CCDC73: variants seen among roughly 807,000 people sequenced by gnomAD.
The protein encoded by CCDC73 is coiled-coil domain-containing protein 73.
In CCDC73, 95 loss-of-function variants were observed where a neutral mutation model predicts 116.5. The observed-to-expected ratio is 0.82, with a 90% CI of 0.69 to 0.97. The LOEUF is 0.97. Among genes scored for constraint, CCDC73 ranks in the 50% least tolerant of loss-of-function variants. CCDC73 has a pLI of 0.00. For missense variants in CCDC73, 1,066 were observed against 1,206.8 expected (o/e 0.88, Z 1.73); for synonymous variants, 398 against 401.3 (o/e 0.99, Z 0.10).
At chr11:32,772,305 GTTTATA>G (rs766084143) in intron 1 of CCDC73, among the ~76,000 whole-genome samples, 12 of 152,042 alleles carry the variant, frequency 7.9e-5, no homozygotes, top group Non-Finnish European at 1.5e-4. Flanking sequence ...CCAGCTGTCT[GTTTATA>G]TTTATAAGTA....
intron 1 of CCDC73, among the ~76,000 whole-genome samples, chr11:32,791,380 A>C (rs1047311795): frequency 3.9e-5 from 6 of 152,252 alleles, no homozygotes; most frequent in African/African-American, 1.4e-4. Context: ...CAGGTTCCAC[A>C]GTCAAATAAA....
chr11:32,654,099 C>A, intron 10 of CCDC73, 62 bp from the exon 11 acceptor site: 1 of 1,424,944 alleles, frequency 7.0e-7, no homozygotes, highest in South Asian at 1.3e-5. Context: ...ACATTCAATT[C>A]AGTACTAAAC....
chr11:32,605,433 A>G (rs1488758937), intron 17 of CCDC73: 1 of 152,166 alleles, frequency 6.6e-6, no homozygotes, highest in African/African-American at 2.4e-5. Context: ...CAGTTTACTC[A>G]TTAGCTTCTT....
chr11:32,616,207 G>A, intron 14 of CCDC73, 78 bp from the exon 15 acceptor site: 1 of 1,375,288 alleles, frequency 7.3e-7, no homozygotes, highest in Non-Finnish European at 9.7e-7. Context: ...GATAAATGTG[G>A]AATCTGTGTT....
chr11:32,755,536 A>ATATATATATATATATATAT (rs1850325554), intron 2 of CCDC73, among the ~76,000 whole-genome samples: 1 of 59,928 alleles, frequency 1.7e-5, no homozygotes, highest in African/African-American at 6.3e-5. Flanking sequence ...TCCATCTCAA[A>ATATATATATATATATATAT]ATATATATAT....
At position 32,616,702 on chromosome 11, in the gene CCDC73, C is replaced by A. The variant is rs2985410; in HGVS notation, c.1186-573G>T. On this transcript the variant is annotated intron_variant, in intron 14 of 17. Transcript: ENST00000335185. ...GAATCAGTCCAACATGCTTTTTCTT[C>A]CCCTATATATTGAGCACATGTTACA... is the stretch of plus-strand genomic sequence containing the variant. 7.9e-3 allele frequency among the ~76,000 whole-genome samples: 1,202 copies of A among 152,232 alleles called. 11 individuals are homozygous for A. Among genetic ancestry groups the A allele is most frequent in the Non-Finnish European group, 0.012 (837 of 68,006 alleles).
At chr11:32,810,773 T>A in the CCDC73 span, among the ~76,000 whole-genome samples, 1 of 152,184 alleles carries the variant, frequency 6.6e-6, no homozygotes, top group Non-Finnish European at 1.5e-5. Context: ...TTCTCCATTT[T>A]ATACTTCTAC....
chr11:32,689,557 G>C (rs1245871760), intron 6 of CCDC73, among the ~76,000 whole-genome samples: 1 of 151,262 alleles, frequency 6.6e-6, no homozygotes, highest in African/African-American at 2.4e-5. Flanking sequence ...AGATAAATAA[G>C]AAATATGAAA....
At chr11:32,656,116 C>T (rs1855869562) in intron 9 of CCDC73, among the ~76,000 whole-genome samples, 1 of 150,170 alleles carries the variant, frequency 6.7e-6, no homozygotes, top group South Asian at 2.1e-4. Flanking sequence ...CTTGCTCTGT[C>T]GCCCAGACTG....
At chr11:32,800,237 T>G in the CCDC73 span, among the ~76,000 whole-genome samples, 1 of 152,184 alleles carries the variant, frequency 6.6e-6, no homozygotes, top group Non-Finnish European at 1.5e-5. Context: ...GAAGATGTAC[T>G]ACATACACCA....
At chr11:32,778,146 A>G (rs2133393761) in intron 1 of CCDC73, among the ~76,000 whole-genome samples, 1 of 152,350 alleles carries the variant, frequency 6.6e-6, no homozygotes, top group African/African-American at 2.4e-5. Context: ...AGTGGTTTTC[A>G]AAGTGCAGTT....
rs1315507775 is a variant in CCDC73 at position 32,683,426 on chromosome 11, G to A, written c.429+110C>T. 1.6e-5 allele frequency: 12 copies of A among 736,346 alleles called. No homozygotes were observed. In the East Asian group the frequency reaches 3.1e-4, roughly 19 times the overall value. 45.6% of individuals were successfully genotyped at this position (736,346 alleles called of 1,614,324 possible). On this transcript the variant is annotated intron_variant, in intron 7 of 17. Transcript: ENST00000335185. The stretch of plus-strand genomic sequence containing the variant: ...ATATTACTGGAGACAGTAATATTCA[G>A]TTTCAACAATTAATTTTTTCACTAT...
intron 1 of CCDC73, among the ~76,000 whole-genome samples, chr11:32,771,199 T>G (rs948317418): frequency 6.6e-6 from 1 of 152,092 alleles, no homozygotes; most frequent in Non-Finnish European, 1.5e-5. Flanking sequence ...CTGACACAGT[T>G]AAAAATGAAG....
At chr11:32,763,943 G>A (rs1255555028) in intron 1 of CCDC73, among the ~76,000 whole-genome samples, 1 of 152,180 alleles carries the variant, frequency 6.6e-6, no homozygotes, top group African/African-American at 2.4e-5. Flanking sequence ...TGAAAACCAT[G>A]GCACGAGAAC....
At chr11:32,730,658 G>A (rs1850067730) in intron 2 of CCDC73, among the ~76,000 whole-genome samples, 1 of 151,870 alleles carries the variant, frequency 6.6e-6, no homozygotes, top group South Asian at 2.1e-4. Flanking sequence ...TCATCCTACT[G>A]GGCTTCACAG....
intron 9 of CCDC73, among the ~76,000 whole-genome samples, 196 bp from the exon 10 acceptor site, chr11:32,655,168 T>C (rs1162969468): frequency 6.6e-6 from 1 of 152,274 alleles, no homozygotes; most frequent in Non-Finnish European, 1.5e-5. Flanking sequence ...TAATCAATCA[T>C]AAAGAGATTG....
At chr11:32,715,592 A>C (rs115509929) in intron 3 of CCDC73, among the ~76,000 whole-genome samples, 1,547 of 152,190 alleles carry the variant, frequency 0.01, 27 homozygotes, top group African/African-American at 0.035. Flanking sequence ...TCACATCCTA[A>C]ATAATAATAG....
intron 2 of CCDC73, among the ~76,000 whole-genome samples, chr11:32,751,008 C>G (rs10742286): frequency 0.59 from 89,635 of 151,928 alleles, 26,745 homozygotes; most frequent in East Asian, 0.84. Context: ...AAGGCCCAAG[C>G]GCTCTTAAGT....
chr11:32,714,269 T>C (rs1265839665), intron 3 of CCDC73, among the ~76,000 whole-genome samples: 2 of 152,118 alleles, frequency 1.3e-5, no homozygotes, highest in Non-Finnish European at 2.9e-5. Context: ...ATGAAGTCCA[T>C]ACTCCCCTAT....
Sources: allele counts gnomAD v4.1 joint callset (sites outside exome capture counted in the v4.1 genomes callset), GRCh38; gene constraint gnomAD v4.1.1; transcripts MANE v1.5; gene names NCBI Gene and HGNC (gene_info 2026-07-23, HGNC 2026-07-21).